Variants in CTNND2 observed in about 807,000 individuals in gnomAD.
CTNND2 encodes catenin delta 2.
Under a neutral mutation model 144.4 loss-of-function variants are expected in CTNND2, and 22 were observed. The ratio of observed to expected loss-of-function variants is 0.15; its 90% confidence interval spans 0.11 to 0.22. The LOEUF is 0.22. CTNND2 is among the 10% of genes least tolerant of loss of function. The pLI, the probability that CTNND2 is intolerant of heterozygous loss-of-function variation, is 1.00. For synonymous variants in CTNND2, 751 were observed against 695.6 expected (o/e 1.08, Z -1.25); for missense variants, 1,353 against 1,618.8 (o/e 0.84, Z 2.82).
In CTNND2 at chr5:10,988,096, G is replaced by A. The variant is rs750852555; in HGVS notation, c.3343+15C>T. On this transcript the variant is annotated intron_variant, in intron 20 of 21. Coordinates refer to ENST00000304623, the MANE Select transcript of CTNND2 (RefSeq NM_001332.4). This position sits in a 1 kb window ranked among gnomAD's most constrained non-coding sequence, Gnocchi z 5.9. ...GCCACCAAGTTCCAGGAGGGGGCGCGCGAGGGGCGCTCACCTGTCATGGCA... is the reference window on the plus strand; with the variant it reads ...GCCACCAAGTTCCAGGAGGGGGCGCACGAGGGGCGCTCACCTGTCATGGCA... The A allele has an allele frequency of 3.1e-6, 5 of 1,613,870 alleles. No homozygotes were observed. The highest frequency in any genetic ancestry group is 1.1e-5 in the South Asian group (1 of 91,036).
intron 5 of CTNND2, among the ~76,000 whole-genome samples, chr5:11,408,148 G>A (rs549265809): frequency 2.0e-5 from 3 of 152,198 alleles, no homozygotes; most frequent in East Asian, 1.9e-4. Flanking sequence ...CACAACATGC[G>A]CTGTTTGTTC....
At chr5:11,394,895 T>C (rs746994592) in intron 6 of CTNND2, among the ~76,000 whole-genome samples, 4 of 152,228 alleles carry the variant, frequency 2.6e-5, no homozygotes, top group African/African-American at 7.2e-5. Flanking sequence ...TAGAACTACA[T>C]AGTTTTTTAG....
chr5:11,552,557 G>T (rs564325708), intron 3 of CTNND2, among the ~76,000 whole-genome samples: 5 of 152,272 alleles, frequency 3.3e-5, no homozygotes, highest in South Asian at 2.1e-4. Context: ...AAAAGCCAAG[G>T]CTCTTTGTGT....
At chr5:11,014,373 C>T (rs114968981) in intron 18 of CTNND2, among the ~76,000 whole-genome samples, 41 of 152,340 alleles carry the variant, frequency 2.7e-4, no homozygotes, top group African/African-American at 9.9e-4. Context: ...TGTACCCCGA[C>T]ATCCAGTCTC....
chr5:11,019,869 A>T (rs546884817), intron 17 of CTNND2, among the ~76,000 whole-genome samples: 1 of 152,256 alleles, frequency 6.6e-6, no homozygotes, highest in African/African-American at 2.4e-5. Context: ...ATTGGGGAAA[A>T]AAAACCAAAT....
intron 3 of CTNND2, among the ~76,000 whole-genome samples, chr5:11,478,297 T>C (rs541470944): frequency 2.0e-5 from 3 of 152,342 alleles, no homozygotes; most frequent in East Asian, 1.9e-4. Context: ...ACATTTGATA[T>C]CTGTTTTTCC....
chr5:11,537,926 C>A (rs1774372991), intron 3 of CTNND2, among the ~76,000 whole-genome samples: 1 of 152,160 alleles, frequency 6.6e-6, no homozygotes, highest in African/African-American at 2.4e-5. Context: ...TTTGTGCTCA[C>A]TAATCATACT....
chr5:11,343,864 T>A (rs1754501444), intron 9 of CTNND2, among the ~76,000 whole-genome samples: 1 of 152,184 alleles, frequency 6.6e-6, no homozygotes, highest in Non-Finnish European at 1.5e-5. Flanking sequence ...AAATAAAATG[T>A]TAACAAATTC....
intron 2 of CTNND2, among the ~76,000 whole-genome samples, chr5:11,583,928 C>A (rs536352921): frequency 2.5e-4 from 38 of 152,322 alleles, no homozygotes; most frequent in Admixed American, 1.1e-3. Flanking sequence ...CACAGCCTCA[C>A]AATTAACTGA....
chr5:11,616,949 T>C (rs1206589528), intron 2 of CTNND2, among the ~76,000 whole-genome samples: 1 of 152,162 alleles, frequency 6.6e-6, no homozygotes, highest in East Asian at 1.9e-4. Context: ...TTCAGTTTTG[T>C]TTCCCTCAAA....
chr5:11,417,745 T>C (rs1581150675), intron 3 of CTNND2, among the ~76,000 whole-genome samples: 1 of 152,164 alleles, frequency 6.6e-6, no homozygotes, highest in African/African-American at 2.4e-5. Flanking sequence ...GGATAGTACC[T>C]GGTAATTTTG....
chr5:11,212,870 A>G (rs894168696), intron 10 of CTNND2, among the ~76,000 whole-genome samples: 1 of 152,198 alleles, frequency 6.6e-6, no homozygotes, highest in Non-Finnish European at 1.5e-5. Context: ...TGGAGCTGGC[A>G]CTGAAAACCA....
chr5:11,019,005 C>A (rs543678034), intron 17 of CTNND2, among the ~76,000 whole-genome samples: 15 of 152,270 alleles, frequency 9.9e-5, no homozygotes, highest in Non-Finnish European at 2.1e-4. Flanking sequence ...CCGTGCCCAG[C>A]CAACTCTCTT....
intron 3 of CTNND2, among the ~76,000 whole-genome samples, chr5:11,435,202 G>A (rs1258496763): frequency 2.6e-5 from 4 of 151,540 alleles, no homozygotes; most frequent in African/African-American, 7.3e-5. Flanking sequence ...ACAGTGGCGC[G>A]ATCACAGCTC....
chr5:10,984,267 A>C (rs1205898360), intron 20 of CTNND2, among the ~76,000 whole-genome samples: 2 of 152,224 alleles, frequency 1.3e-5, no homozygotes, highest in Non-Finnish European at 2.9e-5. Flanking sequence ...ACCTGGCCTC[A>C]GTGGACACCC....
intron 19 of CTNND2, among the ~76,000 whole-genome samples, chr5:10,991,428 T>A (rs1738670221): frequency 6.6e-6 from 1 of 152,222 alleles, no homozygotes. Context: ...TGTGGGTGCA[T>A]ATAACTTGTT....
chr5:11,256,410 T>C (rs77760049), intron 9 of CTNND2, among the ~76,000 whole-genome samples: 3 of 152,228 alleles, frequency 2.0e-5, no homozygotes, highest in South Asian at 4.1e-4. Flanking sequence ...TTGACACTTA[T>C]TTGTGTAATT....
chr5:11,076,108 C>A (rs773587575), intron 16 of CTNND2, among the ~76,000 whole-genome samples: 7 of 152,268 alleles, frequency 4.6e-5, no homozygotes, highest in Admixed American at 3.9e-4. Context: ...GGAAGACATA[C>A]GCATACACAA....
rs73742370 is a variant in CTNND2 at position 11,193,449 on chromosome 5, T to A, written c.1975+5999A>T. Among the ~76,000 whole-genome samples the A allele has an allele frequency of 3.0e-3, 455 of 152,346 alleles. 4 individuals carry two copies. The highest frequency in any genetic ancestry group is 0.01 in the African/African-American group (418 of 41,578). On this transcript the variant is annotated intron_variant, in intron 11 of 21. Transcript: ENST00000304623. The stretch of plus-strand genomic sequence containing the variant: ...GTATTCATTTTTATCTTTGGGATGT[T>A]GTTTAATCTTCTCATAGAACCTCTA...
Sources: gnomAD v4.1 joint callset for allele counts (sites outside exome capture counted in the v4.1 genomes callset) on GRCh38, gnomAD v4.1.1 for gene constraint, Gnocchi (gnomAD v3.1) non-coding constraint, MANE v1.5 for transcripts, NCBI Gene and HGNC (gene_info 2026-07-23, HGNC 2026-07-21) for gene names.